ASAP2: variants seen among roughly 807,000 people sequenced by gnomAD.
ASAP2 encodes arf-GAP with SH3 domain, ANK repeat and PH domain-containing protein 2.
Under a neutral mutation model 131.4 loss-of-function variants are expected in ASAP2, and 45 were observed. That is an observed-to-expected ratio of 0.34 (90% CI 0.27 to 0.44). The LOEUF (loss-of-function observed/expected upper bound fraction) is 0.44. Among genes scored for constraint, ASAP2 ranks in the 20% least tolerant of loss-of-function variants. The pLI, the probability that ASAP2 is intolerant of heterozygous loss-of-function variation, is 1.00. For missense variants in ASAP2, 1,011 were observed against 1,297.0 expected, an observed-to-expected ratio of 0.78 and a Z score of 3.39; for synonymous variants, 510 against 503.0, an observed-to-expected ratio of 1.01 and a Z score of -0.19.
chr2:9,331,481 G>C (rs1670834222), intron 7 of ASAP2, among the ~76,000 whole-genome samples: 4 of 152,154 alleles, frequency 2.6e-5, no homozygotes. Flanking sequence ...AGACAGCCAT[G>C]GTTTGGCAAG....
chr2:9,278,992 A>G (rs981693334), intron 1 of ASAP2, among the ~76,000 whole-genome samples: 2 of 152,186 alleles, frequency 1.3e-5, no homozygotes, highest in African/African-American at 4.8e-5. Context: ...GTTCGGCTGG[A>G]GTAATTCACT....
At chr2:9,227,273 T>C (rs6736998) in intron 1 of ASAP2, among the ~76,000 whole-genome samples, 1 of 151,888 alleles carries the variant, frequency 6.6e-6, no homozygotes, top group African/African-American at 2.4e-5. Context: ...CTCTGTGAAG[T>C]GGGGGACTTG....
chr2:9,365,071 TATG>T (rs1673363875), intron 15 of ASAP2, among the ~76,000 whole-genome samples: 1 of 152,234 alleles, frequency 6.6e-6, no homozygotes, highest in Non-Finnish European at 1.5e-5. Context: ...CTTACTTACA[TATG>T]ATGTACCTAC....
chr2:9,358,078 T>C (rs1672831514), intron 14 of ASAP2, among the ~76,000 whole-genome samples: 1 of 152,188 alleles, frequency 6.6e-6, no homozygotes, highest in South Asian at 2.1e-4. Context: ...TGAACTCAGG[T>C]AGAGGCAGGG....
At chr2:9,395,585 G>GTTTTTTTTTTTTTTT (rs1312749688) in intron 24 of ASAP2, among the ~76,000 whole-genome samples, 2 of 76,216 alleles carry the variant, frequency 2.6e-5, no homozygotes, top group African/African-American at 3.9e-5. Flanking sequence ...TTTTTCTTGT[G>GTTTTTTTTTTTTTTT]TTTTTTTTCT....
chr2:9,240,606 AG>A (rs1663894800), intron 1 of ASAP2, among the ~76,000 whole-genome samples: 1 of 152,160 alleles, frequency 6.6e-6, no homozygotes, highest in Admixed American at 6.5e-5. Flanking sequence ...CCACGGCCGT[AG>A]CTTTTGCAGT....
intron 24 of ASAP2, chr2:9,399,806 A>G: frequency 1.7e-6 from 1 of 583,636 alleles, no homozygotes; most frequent in Non-Finnish European, 3.0e-6. Context: ...TGCTCTGGAA[A>G]AGCCCTGGTT....
At chr2:9,327,983 G>T in intron 7 of ASAP2, 72 bp downstream of exon 7, 4 of 1,155,712 alleles carry the variant, frequency 3.5e-6, no homozygotes, top group Non-Finnish European at 3.7e-6. Flanking sequence ...TCTATAGATA[G>T]CTCATAGGAA....
At chr2:9,367,543 A>T (rs1054577104) in intron 15 of ASAP2, among the ~76,000 whole-genome samples, 5 of 151,906 alleles carry the variant, frequency 3.3e-5, no homozygotes, top group Non-Finnish European at 5.9e-5. Context: ...GCCGGATTGC[A>T]TGAGCCCAGG....
chr2:9,235,647 A>G (rs1663499658), intron 1 of ASAP2, among the ~76,000 whole-genome samples: 1 of 152,060 alleles, frequency 6.6e-6, no homozygotes, highest in Non-Finnish European at 1.5e-5. Context: ...TGCGGGAGGC[A>G]GGGGAGTTCA....
At chr2:9,208,757 A>C (rs1053869909) in intron 1 of ASAP2, among the ~76,000 whole-genome samples, 2 of 152,356 alleles carry the variant, frequency 1.3e-5, no homozygotes, top group Non-Finnish European at 2.9e-5. Context: ...CCTAAGTGCC[A>C]GTTAAAAAGC....
At chr2:9,293,176 A>G (rs951187579) in intron 2 of ASAP2, among the ~76,000 whole-genome samples, 3 of 152,222 alleles carry the variant, frequency 2.0e-5, no homozygotes, top group African/African-American at 7.2e-5. Context: ...GTACACATGC[A>G]TGCTGGCTTC....
intron 2 of ASAP2, among the ~76,000 whole-genome samples, chr2:9,294,541 A>G (rs56178313): frequency 0.21 from 31,726 of 152,156 alleles, 3,624 homozygotes; most frequent in Non-Finnish European, 0.27. Context: ...GGCAGGTGAC[A>G]TGACTCTCTG....
chr2:9,341,095 A>C (rs1671542846), intron 9 of ASAP2, among the ~76,000 whole-genome samples: 1 of 152,150 alleles, frequency 6.6e-6, no homozygotes, highest in Non-Finnish European at 1.5e-5. Flanking sequence ...GGCAACATGG[A>C]CCGCCCTGGC....
At chr2:9,219,580 C>T (rs780112968) in intron 1 of ASAP2, among the ~76,000 whole-genome samples, 1 of 152,166 alleles carries the variant, frequency 6.6e-6, no homozygotes, top group Non-Finnish European at 1.5e-5. Context: ...GAAAAGACAA[C>T]ATCATTGCTG....
At chr2:9,307,262 A>T (rs1669005498) in intron 3 of ASAP2, among the ~76,000 whole-genome samples, 1 of 151,976 alleles carries the variant, frequency 6.6e-6, no homozygotes, top group East Asian at 1.9e-4. Context: ...GTTCCTAGTC[A>T]CGCTGGCCTT....
intron 2 of ASAP2, among the ~76,000 whole-genome samples, chr2:9,284,461 A>C (rs2148334133): frequency 6.6e-6 from 1 of 152,362 alleles, no homozygotes; most frequent in East Asian, 1.9e-4. Flanking sequence ...CGTAGGTATT[A>C]GAATCCAAGA....
rs1675518674 is a variant in ASAP2 at position 9,389,039 on chromosome 2, A to G, written c.2383+493A>G. ...CGGCCTAATTGTAAAATACAAAACC[A>G]GCCCTGTGGGCCTACCAGTGTCTTA... On this transcript the variant is annotated intron_variant, in intron 22 of 27. Coordinates refer to ENST00000281419, the MANE Select transcript of ASAP2 (RefSeq NM_003887.3). This position sits in a 1 kb window ranked among gnomAD's most constrained non-coding sequence, Gnocchi z 4.7. Among the ~76,000 whole-genome samples, 1 of 152,240 alleles carries G rather than the reference A, an allele frequency of 6.6e-6. No individual in the cohort carries two copies. The highest frequency in any genetic ancestry group is 2.4e-5 in the African/African-American group (1 of 41,468).
intron 1 of ASAP2, among the ~76,000 whole-genome samples, chr2:9,223,673 T>G (rs1310251578): frequency 6.6e-6 from 1 of 152,126 alleles, no homozygotes; most frequent in Non-Finnish European, 1.5e-5. Context: ...TACTATAAAT[T>G]ATAGCCCATT....
Sources: gnomAD v4.1 joint callset for allele counts (sites outside exome capture counted in the v4.1 genomes callset) on GRCh38, gnomAD v4.1.1 for gene constraint, Gnocchi (gnomAD v3.1) non-coding constraint, MANE v1.5 for transcripts, NCBI Gene and HGNC (gene_info 2026-07-23, HGNC 2026-07-21) for gene names.